CFAP90: variants seen among roughly 807,000 people sequenced by gnomAD.
The protein encoded by CFAP90 is cilia and flagella associated protein 90.
chr5:7,831,451 C>T, the CFAP90 span: 1 of 165,764 alleles, frequency 6.0e-6, no homozygotes, highest in South Asian at 1.7e-4. Flanking sequence ...CACCTCACTC[C>T]TGTGACTGCC....
chr5:7,831,579 T>G, the CFAP90 span: 3 of 330,248 alleles, frequency 9.1e-6, no homozygotes, highest in East Asian at 4.7e-5. Context: ...GGTCTCCAGA[T>G]TCATTTGATC....
At chr5:7,831,880 T>A in the CFAP90 span, 17 of 1,613,506 alleles carry the variant, frequency 1.1e-5, 1 homozygote, top group Admixed American at 2.8e-4. Flanking sequence ...CAAAGCCGGG[T>A]TCCTTGAGGC....
chr5:7,841,584 A>C, the CFAP90 span, among the ~76,000 whole-genome samples: 1 of 152,360 alleles, frequency 6.6e-6, no homozygotes, highest in African/African-American at 2.4e-5. Flanking sequence ...CTAAATGCCC[A>C]TCAATGATAG....
chr5:7,840,962 G>A, the CFAP90 span, among the ~76,000 whole-genome samples: 1 of 152,112 alleles, frequency 6.6e-6, no homozygotes, highest in South Asian at 2.1e-4. Context: ...AACCAATCCG[G>A]CTGAATTGCA....
chr5:7,847,554 C>CAA, the CFAP90 span, among the ~76,000 whole-genome samples: 788 of 152,298 alleles, frequency 5.2e-3, 6 homozygotes, highest in African/African-American at 0.017. Context: ...CACAGACATG[C>CAA]AAACACATAG....
chr5:7,842,998 G>A, the CFAP90 span, among the ~76,000 whole-genome samples: 1 of 152,160 alleles, frequency 6.6e-6, no homozygotes, highest in Non-Finnish European at 1.5e-5. Flanking sequence ...AGCCCACCTT[G>A]TCTAATATGC....
the CFAP90 span, among the ~76,000 whole-genome samples, chr5:7,835,128 GA>G: frequency 6.6e-6 from 1 of 152,098 alleles, no homozygotes; most frequent in East Asian, 1.9e-4. Context: ...CATTATGTCT[GA>G]AAAATGTACA....
chr5:7,848,720 T>G, the CFAP90 span, among the ~76,000 whole-genome samples: 2 of 152,214 alleles, frequency 1.3e-5, no homozygotes, highest in African/African-American at 4.8e-5. Flanking sequence ...GATAATTGAA[T>G]CATGGGGGCA....
chr5:7,836,873 A>T, the CFAP90 span, among the ~76,000 whole-genome samples: 2 of 152,080 alleles, frequency 1.3e-5, no homozygotes, highest in Non-Finnish European at 2.9e-5. Flanking sequence ...TTGAGAGACA[A>T]GAACCAGGGG....
chr5:7,850,670 C>T, the CFAP90 span, among the ~76,000 whole-genome samples: 3 of 148,904 alleles, frequency 2.0e-5, no homozygotes, highest in African/African-American at 7.4e-5. Context: ...CCCCCAGGCC[C>T]CTTTCCCTAA....
At chr5:7,846,612 A>G in the CFAP90 span, among the ~76,000 whole-genome samples, 3 of 152,170 alleles carry the variant, frequency 2.0e-5, no homozygotes, top group Non-Finnish European at 4.4e-5. Context: ...TAATACTGTC[A>G]TGTTGGGGGT....
chr5:7,832,545 C>G, the CFAP90 span, among the ~76,000 whole-genome samples: 1 of 152,086 alleles, frequency 6.6e-6, no homozygotes, highest in Non-Finnish European at 1.5e-5. Context: ...TCTTGTCGCC[C>G]AGGCTGGAGT....
At chr5:7,850,893 G>A in the CFAP90 span, 1 of 1,347,164 alleles carries the variant, frequency 7.4e-7, no homozygotes, top group Non-Finnish European at 9.6e-7. Flanking sequence ...GGCGGTAGTA[G>A]TAGCTGTGCT....
the CFAP90 span, among the ~76,000 whole-genome samples, chr5:7,841,849 A>G: frequency 6.6e-6 from 1 of 152,192 alleles, no homozygotes; most frequent in Non-Finnish European, 1.5e-5. Context: ...GGGAAGAGAG[A>G]GAAGATCAGG....
the CFAP90 span, chr5:7,835,445 A>G: frequency 4.0e-5 from 65 of 1,606,380 alleles, no homozygotes; most frequent in Non-Finnish European, 4.9e-5. Flanking sequence ...GCAACTTCTG[A>G]TCATAATCTA....
the CFAP90 span, among the ~76,000 whole-genome samples, chr5:7,832,912 G>A: frequency 1.3e-5 from 2 of 152,206 alleles, no homozygotes; most frequent in Non-Finnish European, 2.9e-5. Flanking sequence ...AACTTAGAAT[G>A]CACCACATGT....
chr5:7,845,416 C>A, the CFAP90 span, among the ~76,000 whole-genome samples: 22 of 152,166 alleles, frequency 1.4e-4, no homozygotes, highest in Non-Finnish European at 3.2e-4. Flanking sequence ...CCCCAACATA[C>A]ACAGAGAAGA....
chr5:7,834,705 G>C, the CFAP90 span, among the ~76,000 whole-genome samples: 2 of 151,958 alleles, frequency 1.3e-5, no homozygotes, highest in Non-Finnish European at 1.5e-5. Context: ...TTTATGTTTA[G>C]ATACAAAAAT....
chr5:7,832,813 T>C, the CFAP90 span, among the ~76,000 whole-genome samples: 1 of 152,232 alleles, frequency 6.6e-6, no homozygotes, highest in African/African-American at 2.4e-5. Context: ...TTTTTCTCTC[T>C]TCCTTCAGGA....
Sources: allele counts gnomAD v4.1 joint callset (sites outside exome capture counted in the v4.1 genomes callset), GRCh38; gene constraint gnomAD v4.1.1; transcripts MANE v1.5; gene names NCBI Gene and HGNC (gene_info 2026-07-23, HGNC 2026-07-21).